The following ASTN2 variants were observed in gnomAD, a reference collection of about 807,000 sequenced individuals.
The protein encoded by ASTN2 is astrotactin 2.
A neutral mutation model predicts 139.8 loss-of-function variants in ASTN2; 54 were observed. The ratio of observed to expected loss-of-function variants is 0.39; its 90% confidence interval spans 0.31 to 0.48. ASTN2 has a LOEUF of 0.48. Ranked by LOEUF, ASTN2 falls within the 20% of genes least tolerant of loss-of-function variation. The probability of loss-of-function intolerance (pLI) is 0.95; values close to 1 mark genes in which losing one functional copy is unlikely to be tolerated. For synonymous variants in ASTN2, 756 were observed against 719.5 expected (o/e 1.05, Z -0.81); for missense variants, 1,565 against 1,725.1 (o/e 0.91, Z 1.64).
chr9:116,462,919 G>A (rs991898987), intron 20 of ASTN2, among the ~76,000 whole-genome samples: 4 of 151,800 alleles, frequency 2.6e-5, no homozygotes, highest in Admixed American at 2.6e-4. Context: ...TCCTTTGGAT[G>A]TCCAAAGACA....
intron 3 of ASTN2, among the ~76,000 whole-genome samples, chr9:117,200,956 T>C (rs990761126): frequency 5.3e-5 from 8 of 151,812 alleles, no homozygotes; most frequent in African/African-American, 1.9e-4. Flanking sequence ...CCTCTTTGTA[T>C]TTCTGATAGA....
intron 6 of ASTN2, among the ~76,000 whole-genome samples, chr9:117,013,005 C>T (rs181369336): frequency 4.3e-4 from 65 of 152,308 alleles, no homozygotes; most frequent in African/African-American, 1.6e-3. Flanking sequence ...CAAAGCATGA[C>T]TGTCTGCTCC....
chr9:116,921,187 C>T (rs1834594505), intron 10 of ASTN2, among the ~76,000 whole-genome samples: 1 of 152,150 alleles, frequency 6.6e-6, no homozygotes, highest in Non-Finnish European at 1.5e-5. Context: ...CAAGAATTCA[C>T]TATCATGATG....
Position 116,686,562 on chromosome 9 carries a change from T to C in ASTN2, c.2807-34769A>G, listed in dbSNP as rs987421476. The C allele has an allele frequency of 8.2e-5, 72 of 874,070 alleles. 1 individual carries two copies. Among genetic ancestry groups the C allele is most frequent in the Non-Finnish European group, 2.3e-5 (13 of 554,568 alleles). 54.1% of individuals were successfully genotyped at this position (874,070 alleles called of 1,614,324 possible). On this transcript the variant is annotated intron_variant, in intron 16 of 22. Transcript: ENST00000313400. ...ACTGCAGGTCGTGGCCAGCCAGTCC[T>C]GTATCAGACCTCGTCCTTGCCAGAT...
At chr9:117,391,272 G>GAGTC (rs1437956041) in intron 1 of ASTN2, among the ~76,000 whole-genome samples, 3 of 152,082 alleles carry the variant, frequency 2.0e-5, no homozygotes, top group African/African-American at 7.2e-5. Flanking sequence ...ATTTAAGTAT[G>GAGTC]AGTCCATTTT....
intron 3 of ASTN2, among the ~76,000 whole-genome samples, chr9:117,211,522 C>T (rs375206769): frequency 2.0e-5 from 3 of 152,158 alleles, no homozygotes; most frequent in African/African-American, 7.2e-5. Flanking sequence ...AAGGTGCTTG[C>T]TTCCCTGTCG....
At chr9:116,873,592 C>A (rs1188185178) in intron 10 of ASTN2, among the ~76,000 whole-genome samples, 1 of 152,170 alleles carries the variant, frequency 6.6e-6, no homozygotes, top group East Asian at 1.9e-4. Context: ...TAGATTATCT[C>A]ATTTAATAAT....
intron 3 of ASTN2, among the ~76,000 whole-genome samples, chr9:117,197,975 T>C (rs572872632): frequency 1.4e-5 from 2 of 146,274 alleles, no homozygotes; most frequent in East Asian, 4.0e-4. Flanking sequence ...TATCTTTTTC[T>C]TCTGGCTGTT....
chr9:117,058,209 T>C (rs867794467), intron 5 of ASTN2, among the ~76,000 whole-genome samples: 4 of 152,254 alleles, frequency 2.6e-5, no homozygotes, highest in African/African-American at 7.2e-5. Flanking sequence ...AATGAATGAA[T>C]GGACAGAGGC....
At chr9:117,267,560 T>C (rs1237363551) in intron 2 of ASTN2, among the ~76,000 whole-genome samples, 2 of 152,240 alleles carry the variant, frequency 1.3e-5, no homozygotes, top group East Asian at 3.8e-4. Context: ...TTGGGAATTC[T>C]CTGTGCCATC....
intron 19 of ASTN2, among the ~76,000 whole-genome samples, chr9:116,597,302 T>TTTG (rs1169673304): frequency 4.9e-5 from 6 of 122,920 alleles, no homozygotes; most frequent in Non-Finnish European, 8.0e-5. Context: ...TTGATCTATT[T>TTTG]TTTTTTTTTT....
At chr9:116,896,016 T>A (rs181038919) in intron 10 of ASTN2, among the ~76,000 whole-genome samples, 20 of 152,238 alleles carry the variant, frequency 1.3e-4, no homozygotes, top group Admixed American at 1.3e-3. Context: ...GACAAACAAA[T>A]AAACAAATAG....
intron 20 of ASTN2, among the ~76,000 whole-genome samples, chr9:116,467,456 A>G (rs2080659): frequency 0.92 from 140,437 of 152,186 alleles, 65,749 homozygotes; most frequent in Non-Finnish European, 1. Flanking sequence ...TAATAGAGAC[A>G]AGGTTTCACC....
intron 1 of ASTN2, among the ~76,000 whole-genome samples, chr9:117,358,304 C>A (rs1017311428): frequency 1.5e-4 from 23 of 149,588 alleles, no homozygotes; most frequent in Non-Finnish European, 2.7e-4. Flanking sequence ...ACATACACAT[C>A]CACATCCACA....
At chr9:116,584,796 T>G (rs1399582144) in intron 19 of ASTN2, 1 of 152,170 alleles carries the variant, frequency 6.6e-6, no homozygotes, top group Non-Finnish European at 1.5e-5. Context: ...ATAGAACACT[T>G]TAGGAAGAAC....
intron 1 of ASTN2, among the ~76,000 whole-genome samples, chr9:117,376,019 T>C (rs1830114329): frequency 6.6e-6 from 1 of 152,138 alleles, no homozygotes; most frequent in Non-Finnish European, 1.5e-5. Flanking sequence ...AGTGATTACA[T>C]AGGGCCCACC....
chr9:117,410,022 C>T (rs1265873127), intron 1 of ASTN2, among the ~76,000 whole-genome samples: 2 of 152,248 alleles, frequency 1.3e-5, no homozygotes, highest in Non-Finnish European at 2.9e-5. Flanking sequence ...GTGTACTTAA[C>T]ACAGACTAAT....
At chr9:116,641,338 G>T (rs1333938865) in intron 17 of ASTN2, among the ~76,000 whole-genome samples, 1 of 152,166 alleles carries the variant, frequency 6.6e-6, no homozygotes, top group Non-Finnish European at 1.5e-5. Flanking sequence ...AGAGGAAAGT[G>T]AGAAGAGGCT....
At chr9:117,003,322 A>G (rs1837243538) in intron 7 of ASTN2, among the ~76,000 whole-genome samples, 1 of 152,186 alleles carries the variant, frequency 6.6e-6, no homozygotes, top group Admixed American at 6.5e-5. Context: ...TTAGAAATGC[A>G]GAACCTCAGG....
Sources: gnomAD v4.1 joint callset for allele counts (sites outside exome capture counted in the v4.1 genomes callset) on GRCh38, gnomAD v4.1.1 for gene constraint, MANE v1.5 for transcripts, NCBI Gene and HGNC (gene_info 2026-07-23, HGNC 2026-07-21) for gene names.